Variants in GALNT13 observed in about 807,000 individuals in gnomAD.
GALNT13 encodes polypeptide N-acetylgalactosaminyltransferase 13.
In GALNT13, 28 loss-of-function variants were observed where a neutral mutation model predicts 64.2. That is an observed-to-expected ratio of 0.44 (90% CI 0.32 to 0.60). The LOEUF is 0.60. Among genes scored for constraint, GALNT13 ranks in the 20% least tolerant of loss-of-function variants. The pLI, the probability that GALNT13 is intolerant of heterozygous loss-of-function variation, is 0.05. For missense variants in GALNT13, 577 were observed against 669.8 expected (o/e 0.86, Z 1.53); for synonymous variants, 214 against 224.6 (o/e 0.95, Z 0.42).
At chr2:153,123,731 T>C in the GALNT13 span, among the ~76,000 whole-genome samples, 3 of 152,216 alleles carry the variant, frequency 2.0e-5, no homozygotes, top group Non-Finnish European at 1.5e-5. Context: ...CATTAATTTT[T>C]AAGGGCCAAA....
chr2:154,123,932 T>C (rs1682107147), intron 3 of GALNT13, among the ~76,000 whole-genome samples: 1 of 152,070 alleles, frequency 6.6e-6, no homozygotes. Context: ...TACATTTTAA[T>C]TGGAGCAGTG....
intron 9 of GALNT13, among the ~76,000 whole-genome samples, chr2:154,311,637 TC>T (rs1427261090): frequency 6.6e-6 from 1 of 152,156 alleles, no homozygotes; most frequent in Non-Finnish European, 1.5e-5. Flanking sequence ...GGTTTTGAGA[TC>T]AACCAGTCTG....
At chr2:154,245,104 A>AAAATAGAT (rs1553502302) in intron 6 of GALNT13, among the ~76,000 whole-genome samples, 1 of 137,788 alleles carries the variant, frequency 7.3e-6, no homozygotes, top group Non-Finnish European at 1.6e-5. Context: ...AGGCTCTGTC[A>AAAATAGAT]AAATAAATAA....
At chr2:154,422,030 A>T (rs1330715911) in intron 11 of GALNT13, among the ~76,000 whole-genome samples, 3 of 152,156 alleles carry the variant, frequency 2.0e-5, no homozygotes, top group Non-Finnish European at 4.4e-5. Flanking sequence ...GCAGAGGGTG[A>T]GTAAGGACAG....
At chr2:153,202,641 T>A in the GALNT13 span, among the ~76,000 whole-genome samples, 1 of 152,182 alleles carries the variant, frequency 6.6e-6, no homozygotes, top group Non-Finnish European at 1.5e-5. Context: ...CATATGTAAC[T>A]ATAGTGTTTC....
At chr2:154,202,845 A>G (rs1193310450) in intron 4 of GALNT13, among the ~76,000 whole-genome samples, 2 of 152,264 alleles carry the variant, frequency 1.3e-5, no homozygotes, top group South Asian at 2.1e-4. Context: ...GCATCAAGTT[A>G]TCTCAGGGAA....
At chr2:153,633,534 C>T in the GALNT13 span, among the ~76,000 whole-genome samples, 3 of 152,140 alleles carry the variant, frequency 2.0e-5, no homozygotes, top group African/African-American at 7.2e-5. Context: ...GAAGCCATCA[C>T]CTCTTCCAAG....
At chr2:154,405,383 A>G (rs1268328805) in intron 10 of GALNT13, among the ~76,000 whole-genome samples, 1 of 152,086 alleles carries the variant, frequency 6.6e-6, no homozygotes, top group Non-Finnish European at 1.5e-5. Flanking sequence ...TGACACATAT[A>G]GAAGATAAGC....
At chr2:154,420,772 A>G (rs1700214298) in intron 11 of GALNT13, among the ~76,000 whole-genome samples, 3 of 152,110 alleles carry the variant, frequency 2.0e-5, no homozygotes, top group Admixed American at 1.3e-4. Context: ...TAATCCATGT[A>G]GTAAAAGTCA....
At chr2:154,032,198 G>A (rs559842554) in intron 3 of GALNT13, among the ~76,000 whole-genome samples, 1 of 151,910 alleles carries the variant, frequency 6.6e-6, no homozygotes, top group East Asian at 1.9e-4. Flanking sequence ...TTGAAAAAAG[G>A]CATTAAAATA....
intron 3 of GALNT13, among the ~76,000 whole-genome samples, chr2:154,019,854 C>T (rs1183844839): frequency 2.0e-5 from 3 of 146,764 alleles, no homozygotes; most frequent in African/African-American, 7.4e-5. Flanking sequence ...CTCCCCCCTA[C>T]CCCCACCCCA....
chr2:154,344,829 G>C (rs1251337719), intron 9 of GALNT13, among the ~76,000 whole-genome samples: 1 of 151,978 alleles, frequency 6.6e-6, no homozygotes, highest in Non-Finnish European at 1.5e-5. Context: ...TTGAATTCTA[G>C]ATGGAGGGAG....
At chr2:154,180,595 T>C (rs535066438) in intron 4 of GALNT13, among the ~76,000 whole-genome samples, 2 of 152,232 alleles carry the variant, frequency 1.3e-5, no homozygotes, top group African/African-American at 4.8e-5. Context: ...CACAACCATG[T>C]ATAAGAATTC....
intron 4 of GALNT13, among the ~76,000 whole-genome samples, chr2:154,153,008 T>C: frequency 6.6e-6 from 1 of 152,180 alleles, no homozygotes; most frequent in Non-Finnish European, 1.5e-5. Flanking sequence ...AGAGGCGCTC[T>C]GCTTTTTAGA....
At chr2:153,973,553 A>G (rs1227756933) in intron 3 of GALNT13, among the ~76,000 whole-genome samples, 1 of 151,914 alleles carries the variant, frequency 6.6e-6, no homozygotes, top group East Asian at 1.9e-4. Context: ...TAATCTTTTT[A>G]TAAAAATTAT....
At chr2:153,502,248 C>G in the GALNT13 span, among the ~76,000 whole-genome samples, 2 of 152,118 alleles carry the variant, frequency 1.3e-5, no homozygotes, top group African/African-American at 4.8e-5. Flanking sequence ...AACTCCCACC[C>G]CTTCCCCCAA....
At chr2:154,266,308 A>G (rs905995487) in intron 8 of GALNT13, among the ~76,000 whole-genome samples, 2 of 152,170 alleles carry the variant, frequency 1.3e-5, no homozygotes, top group South Asian at 4.1e-4. Flanking sequence ...TAAGCCATCC[A>G]TATTAGGGAG....
chr2:154,256,888 AT>A (rs1307207629), intron 7 of GALNT13, among the ~76,000 whole-genome samples: 1 of 152,032 alleles, frequency 6.6e-6, no homozygotes, highest in Non-Finnish European at 1.5e-5. Context: ...CATAATCAAG[AT>A]TTTTCATTTT....
chr2:154,308,597 G>T (rs1693870397), intron 9 of GALNT13, among the ~76,000 whole-genome samples: 1 of 152,020 alleles, frequency 6.6e-6, no homozygotes, highest in Non-Finnish European at 1.5e-5. Context: ...CTATTGGTTG[G>T]ATTAACAGGA....
Sources: allele counts gnomAD v4.1 joint callset (sites outside exome capture counted in the v4.1 genomes callset), GRCh38; gene constraint gnomAD v4.1.1; transcripts MANE v1.5; gene names NCBI Gene and HGNC (gene_info 2026-07-23, HGNC 2026-07-21).